SHLD1: variants seen among roughly 807,000 people sequenced by gnomAD.
The protein encoded by SHLD1 is shieldin complex subunit 1, also known as RINN1-REV7-interacting novel NHEJ regulator 3.
SHLD1 carries 3 observed loss-of-function variants against 5.5 expected under a neutral mutation model. The ratio of observed to expected loss-of-function variants is 0.54; its 90% CI spans 0.25 to 1.40. SHLD1 has a LOEUF of 1.40. SHLD1 is among the 40% of genes most tolerant of loss of function. The pLI is 0.15. For missense variants in SHLD1, 210 were observed against 244.4 expected (o/e 0.86, Z 0.94); for synonymous variants, 92 against 94.3 (o/e 0.98, Z 0.14).
At chr20:5,771,288 G>T (rs771465364) in intron 1 of SHLD1, among the ~76,000 whole-genome samples, 12 of 152,180 alleles carry the variant, frequency 7.9e-5, no homozygotes, top group Non-Finnish European at 1.3e-4. Context: ...GACTTGCTGT[G>T]TATGGTATCT....
chr20:5,834,017 A>G (rs2087761334), intron 2 of SHLD1, among the ~76,000 whole-genome samples: 1 of 152,230 alleles, frequency 6.6e-6, no homozygotes, highest in Non-Finnish European at 1.5e-5. Flanking sequence ...AGTGGTATTT[A>G]CATTTGATTC....
intron 2 of SHLD1, among the ~76,000 whole-genome samples, chr20:5,785,750 T>C (rs2038181): frequency 0.88 from 131,931 of 149,256 alleles, 58,462 homozygotes; most frequent in East Asian, 1. Flanking sequence ...GAGCCGAGAC[T>C]GTGCCACTGC....
intron 1 of SHLD1, among the ~76,000 whole-genome samples, chr20:5,769,371 AAAC>A (rs1650253327): frequency 6.6e-6 from 1 of 152,270 alleles, no homozygotes; most frequent in Non-Finnish European, 1.5e-5. Context: ...ATGATGAAGA[AAAC>A]AGGGTAAACA....
At chr20:5,764,929 G>A (rs1484087735) in intron 1 of SHLD1, among the ~76,000 whole-genome samples, 1 of 152,088 alleles carries the variant, frequency 6.6e-6, no homozygotes, top group Admixed American at 6.6e-5. Flanking sequence ...GTATTTGTAG[G>A]TCTGTAAGAA....
intron 2 of SHLD1, among the ~76,000 whole-genome samples, chr20:5,786,405 C>T (rs1191771177): frequency 1.3e-5 from 2 of 152,058 alleles, no homozygotes; most frequent in South Asian, 2.1e-4. Context: ...AGCAAGACCT[C>T]GCCTCTACAA....
At chr20:5,850,903 G>A (rs559780250) in intron 2 of SHLD1, among the ~76,000 whole-genome samples, 1 of 152,182 alleles carries the variant, frequency 6.6e-6, no homozygotes, top group Non-Finnish European at 1.5e-5. Context: ...GCCTTGGCTG[G>A]TCGATGCTCC....
At chr20:5,763,847 G>T (rs1392194613) in intron 1 of SHLD1, among the ~76,000 whole-genome samples, 1 of 149,602 alleles carries the variant, frequency 6.7e-6, no homozygotes, top group African/African-American at 2.5e-5. Context: ...AATGGCTCAC[G>T]CCTGTAATCC....
intron 1 of SHLD1, among the ~76,000 whole-genome samples, chr20:5,753,540 C>T (rs1021285306): frequency 6.6e-6 from 1 of 152,136 alleles, no homozygotes; most frequent in African/African-American, 2.4e-5. Flanking sequence ...AAGCTGCAAG[C>T]GTAGATAAGC....
In SHLD1 at chr20:5,837,813, G is replaced by C. The variant is rs151046255; in HGVS notation, c.179-25211G>C. Among the ~76,000 whole-genome samples the C allele has an allele frequency of 2.5e-3, 375 of 151,822 alleles. 3 individuals carry two copies. The highest frequency in any genetic ancestry group is 8.6e-3 in the African/African-American group (355 of 41,390). On this transcript the variant is annotated intron_variant, in intron 2 of 2. Coordinates refer to ENST00000303142, the MANE Select transcript of SHLD1 (RefSeq NM_152504.4). ...CATACCTAATTTTTCTTATTTTTTT[G>C]ATATTTTTAGGCTACGCAATTTGTC...
At chr20:5,811,996 T>C (rs779797167) in intron 2 of SHLD1, among the ~76,000 whole-genome samples, 2 of 152,120 alleles carry the variant, frequency 1.3e-5, no homozygotes, top group African/African-American at 2.4e-5. Flanking sequence ...ACTTAGTTCA[T>C]AGGATTGCTA....
chr20:5,854,690 T>G (rs775254640), intron 2 of SHLD1, among the ~76,000 whole-genome samples: 2 of 152,162 alleles, frequency 1.3e-5, no homozygotes, highest in Admixed American at 1.3e-4. Flanking sequence ...ACATGAAGTC[T>G]TAATCATTTT....
Position 5,855,403 on chromosome 20 carries a change from G to T in SHLD1, c.179-7621G>T, listed in dbSNP as rs559456181. ...TGTTTTATTTTTGAGACAGAGTCTC[G>T]CTCTGTCACCTAGACTGGAGTACAG... is the stretch of plus-strand genomic sequence containing the variant. On this transcript the variant is annotated intron_variant, in intron 2 of 2. Transcript: ENST00000303142. This position sits in a 1 kb window ranked among gnomAD's most constrained non-coding sequence, Gnocchi z 4.4. Among the ~76,000 whole-genome samples, 1 of 152,014 alleles carries T rather than the reference G, an allele frequency of 6.6e-6. No homozygotes were observed. Among genetic ancestry groups the T allele is most frequent in the Non-Finnish European group, 1.5e-5 (1 of 68,000 alleles).
intron 1 of SHLD1, among the ~76,000 whole-genome samples, chr20:5,757,725 C>G (rs1984199901): frequency 3.3e-5 from 5 of 152,036 alleles, no homozygotes; most frequent in Admixed American, 3.3e-4. Flanking sequence ...GCCTCAGCCC[C>G]CCGAGTACCT....
chr20:5,799,569 C>T (rs1311426874), intron 2 of SHLD1, among the ~76,000 whole-genome samples: 1 of 149,456 alleles, frequency 6.7e-6, no homozygotes, highest in Non-Finnish European at 1.5e-5. Flanking sequence ...TCACCTTGGC[C>T]TCCCAAAGTG....
At chr20:5,794,266 G>A (rs1412914723) in intron 2 of SHLD1, among the ~76,000 whole-genome samples, 1 of 152,194 alleles carries the variant, frequency 6.6e-6, no homozygotes, top group Non-Finnish European at 1.5e-5. Flanking sequence ...GACACCTGGA[G>A]CTGAGTAGAC....
intron 2 of SHLD1, among the ~76,000 whole-genome samples, chr20:5,800,631 T>G (rs898086465): frequency 1.3e-5 from 2 of 151,798 alleles, no homozygotes; most frequent in South Asian, 2.1e-4. Context: ...GAGGTTGCAG[T>G]GAGCCAAGAT....
intron 2 of SHLD1, among the ~76,000 whole-genome samples, chr20:5,792,271 A>T (rs900789804): frequency 5.3e-5 from 8 of 152,178 alleles, no homozygotes; most frequent in Admixed American, 5.2e-4. Context: ...GCCAAGTCTA[A>T]TGTCATGAAG....
chr20:5,760,251 AG>A (rs1489599917), intron 1 of SHLD1, among the ~76,000 whole-genome samples: 1 of 152,018 alleles, frequency 6.6e-6, no homozygotes, highest in Middle Eastern at 3.4e-3. Flanking sequence ...TGTGTGTGTG[AG>A]GGGGGCCTTT....
At chr20:5,774,749 A>G (rs371612584) in intron 2 of SHLD1, among the ~76,000 whole-genome samples, 26 of 152,236 alleles carry the variant, frequency 1.7e-4, no homozygotes, top group African/African-American at 5.5e-4. Context: ...CCATGAACCA[A>G]TCACCTCCCA....
Sources: gnomAD v4.1 joint callset for allele counts (sites outside exome capture counted in the v4.1 genomes callset) on GRCh38, gnomAD v4.1.1 for gene constraint, Gnocchi (gnomAD v3.1) non-coding constraint, MANE v1.5 for transcripts, NCBI Gene and HGNC (gene_info 2026-07-23, HGNC 2026-07-21) for gene names.